Variants in ZNRF2 observed in about 807,000 individuals in gnomAD.
The protein encoded by ZNRF2 is E3 ubiquitin-protein ligase ZNRF2.
In ZNRF2, 16 loss-of-function variants were observed where a neutral mutation model predicts 20.4. That is an observed-to-expected ratio of 0.79 (90% CI 0.53 to 1.19). The LOEUF is 1.19. Among genes scored for constraint, ZNRF2 ranks in the 50% most tolerant of loss-of-function variants. The pLI, the probability that ZNRF2 is intolerant of heterozygous loss-of-function variation, is 0.00. For missense variants in ZNRF2, 363 were observed against 332.4 expected (o/e 1.09, Z -0.72); for synonymous variants, 178 against 144.9 (o/e 1.23, Z -1.64).
intron 1 of ZNRF2, among the ~76,000 whole-genome samples, chr7:30,318,385 C>G (rs150137735): frequency 1.3e-5 from 2 of 152,164 alleles, no homozygotes; most frequent in Non-Finnish European, 2.9e-5. Context: ...ATTGGGAACT[C>G]TCATAACTAA....
chr7:30,325,707 G>A (rs1799540583), intron 2 of ZNRF2, among the ~76,000 whole-genome samples: 1 of 152,136 alleles, frequency 6.6e-6, no homozygotes, highest in Non-Finnish European at 1.5e-5. Context: ...TGACAATAGA[G>A]CACTTTTTGC....
chr7:30,346,169 G>T (rs1199200171), intron 2 of ZNRF2, among the ~76,000 whole-genome samples: 2 of 29,638 alleles, frequency 6.7e-5, no homozygotes, highest in Non-Finnish European at 1.6e-4. Flanking sequence ...TGTTAAGTCT[G>T]ATTTTTTTTT....
Position 30,285,599 on chromosome 7 carries a change from G to T in ZNRF2, c.242G>T (p.Arg81Leu). 8.7e-7 allele frequency: 1 copy of T among 1,143,868 alleles called. No homozygotes were observed. Among genetic ancestry groups the T allele is most frequent in the Non-Finnish European group, 1.1e-6 (1 of 932,622 alleles). The allele number at this position is 1,143,868 out of a possible 1,614,324, so 70.9% of individuals were successfully genotyped here. A position where few individuals can be genotyped will look rare whatever the true frequency, so the allele number is the denominator to read the frequency against. Residue 81 changes from arginine (R) to leucine (L), a missense_variant, in exon 1 of 5, where the codon CGC becomes CTC. Coordinates refer to ENST00000323037, the MANE Select transcript of ZNRF2 (RefSeq NM_147128.4). The part of the protein sequence containing the change: ...APAAPAAPRS[R>L]SLGGAVGSVA... ...GCAGCCCCGGCGGCCCCGCGCAGCC[G>T]CTCCCTCGGCGGGGCCGTGGGGAGC...
chr7:30,341,764 C>T (rs1799798706), intron 2 of ZNRF2, among the ~76,000 whole-genome samples: 1 of 152,082 alleles, frequency 6.6e-6, no homozygotes, highest in Non-Finnish European at 1.5e-5. Context: ...AGTTCAAGTC[C>T]TGAATATCCT....
At chr7:30,322,022 A>C (rs1799478345) in intron 1 of ZNRF2, among the ~76,000 whole-genome samples, 1 of 152,116 alleles carries the variant, frequency 6.6e-6, no homozygotes, top group Non-Finnish European at 1.5e-5. Flanking sequence ...TAAAAAAAAA[A>C]ACTGCAAAAA....
chr7:30,339,783 T>C (rs967128521), intron 2 of ZNRF2, among the ~76,000 whole-genome samples: 3 of 152,176 alleles, frequency 2.0e-5, no homozygotes, highest in Admixed American at 2.0e-4. Context: ...TAAAATAGTT[T>C]TGTCTAATTC....
intron 1 of ZNRF2, among the ~76,000 whole-genome samples, chr7:30,286,401 A>C (rs1400024158): frequency 6.6e-6 from 1 of 152,204 alleles, no homozygotes; most frequent in East Asian, 1.9e-4. Flanking sequence ...AAACCTCACT[A>C]AACTGCTACT....
chr7:30,289,630 C>T (rs1020711060), intron 1 of ZNRF2, among the ~76,000 whole-genome samples: 1 of 152,042 alleles, frequency 6.6e-6, no homozygotes, highest in East Asian at 1.9e-4. Flanking sequence ...AATTTCATAC[C>T]TTCGTGTTAC....
At chr7:30,331,925 A>G (rs1163696497) in intron 2 of ZNRF2, among the ~76,000 whole-genome samples, 1 of 152,212 alleles carries the variant, frequency 6.6e-6, no homozygotes, top group Admixed American at 6.5e-5. Flanking sequence ...AAATGGTCAT[A>G]TAAGAAATTT....
chr7:30,328,739 T>C (rs2127948380), intron 2 of ZNRF2, among the ~76,000 whole-genome samples: 1 of 152,328 alleles, frequency 6.6e-6, no homozygotes, highest in South Asian at 2.1e-4. Context: ...TCCTGGTACC[T>C]GAAGAAGAAA....
rs192221036 is a variant in ZNRF2, at chr7:30,340,060, G to A, written c.566-15668G>A. ...GTTAATTCATGATTTGGCTGTTATT[G>A]TTGTATAGGAAAGCTTGTGATTTTT... is the stretch of plus-strand genomic sequence containing the variant. On this transcript the variant is annotated intron_variant, in intron 2 of 4. Transcript: ENST00000323037. Among the ~76,000 whole-genome samples, 368 of 151,140 alleles carry A rather than the reference G, an allele frequency of 2.4e-3. 2 individuals are homozygous for A. The highest frequency in any genetic ancestry group is 8.2e-3 in the African/African-American group (339 of 41,400).
chr7:30,290,108 C>G (rs1352404672), intron 1 of ZNRF2, among the ~76,000 whole-genome samples: 1 of 152,130 alleles, frequency 6.6e-6, no homozygotes, highest in Non-Finnish European at 1.5e-5. Context: ...CTTTATGTAG[C>G]AAATTACTTC....
chr7:30,362,269 A>AT (rs1399861993), intron 3 of ZNRF2, 108 bp from the exon 4 acceptor site: 7 of 665,178 alleles, frequency 1.1e-5, no homozygotes, highest in South Asian at 6.8e-5. Flanking sequence ...TAAAATGCTC[A>AT]TTTTTTTCTG....
intron 2 of ZNRF2, among the ~76,000 whole-genome samples, chr7:30,330,959 T>C (rs1262351426): frequency 6.6e-6 from 1 of 152,174 alleles, no homozygotes; most frequent in Non-Finnish European, 1.5e-5. Flanking sequence ...GGATCCCTAA[T>C]TGTAGTCTTA....
chr7:30,334,406 A>G (rs1799686346), intron 2 of ZNRF2, among the ~76,000 whole-genome samples: 1 of 152,126 alleles, frequency 6.6e-6, no homozygotes. Context: ...GCCTTGTAGT[A>G]TAGTTTGAAG....
intron 2 of ZNRF2, among the ~76,000 whole-genome samples, chr7:30,340,996 C>T (rs760403986): frequency 1.6e-4 from 24 of 152,138 alleles, no homozygotes; most frequent in Non-Finnish European, 2.9e-4. Context: ...GGAATTTATC[C>T]ATTTCTTCTA....
chr7:30,299,127 A>G (rs144487926), intron 1 of ZNRF2, among the ~76,000 whole-genome samples: 247 of 152,228 alleles, frequency 1.6e-3, no homozygotes, highest in African/African-American at 5.4e-3. Flanking sequence ...ATTCACTCCT[A>G]TAAAAATTTG....
chr7:30,305,840 A>G (rs1024216521), intron 1 of ZNRF2, among the ~76,000 whole-genome samples: 1 of 152,164 alleles, frequency 6.6e-6, no homozygotes, highest in Non-Finnish European at 1.5e-5. Flanking sequence ...GAAATTTTTC[A>G]TAAGACTTGT....
intron 1 of ZNRF2, among the ~76,000 whole-genome samples, chr7:30,304,653 T>G (rs1486821519): frequency 6.6e-6 from 1 of 152,186 alleles, no homozygotes; most frequent in African/African-American, 2.4e-5. Flanking sequence ...TACCAGTCTA[T>G]TATGTTTAGG....
Sources: gnomAD v4.1 joint callset for allele counts (sites outside exome capture counted in the v4.1 genomes callset) on GRCh38, gnomAD v4.1.1 for gene constraint, MANE v1.5 for transcripts, NCBI Gene and HGNC (gene_info 2026-07-23, HGNC 2026-07-21) for gene names.